ARHGAP26: variants seen among roughly 807,000 people sequenced by gnomAD.
ARHGAP26 encodes Rho GTPase activating protein 26, also known as rho GTPase-activating protein 26.
A neutral mutation model predicts 104.8 loss-of-function variants in ARHGAP26; 38 were observed. The ratio of observed to expected loss-of-function variants is 0.36; its 90% CI spans 0.28 to 0.48. The LOEUF (loss-of-function observed/expected upper bound fraction) is 0.48, where lower values mean the gene tolerates loss of function less well. Among genes scored for constraint, ARHGAP26 ranks in the 20% least tolerant of loss-of-function variants. ARHGAP26 has a pLI of 0.99. For synonymous variants in ARHGAP26, 341 were observed against 340.0 expected (o/e 1.00, Z -0.03); for missense variants, 704 against 947.9 (o/e 0.74, Z 3.38).
chr5:142,780,965 C>T (rs968932458), intron 1 of ARHGAP26, among the ~76,000 whole-genome samples: 56 of 152,234 alleles, frequency 3.7e-4, no homozygotes, highest in African/African-American at 1.3e-3. Flanking sequence ...GCCACATGTC[C>T]TCTGCCATCT....
At chr5:142,892,648 G>A (rs1758822253) in intron 5 of ARHGAP26, among the ~76,000 whole-genome samples, 1 of 149,574 alleles carries the variant, frequency 6.7e-6, no homozygotes, top group Admixed American at 6.6e-5. Flanking sequence ...ATACTATTTG[G>A]GCTAATATGA....
chr5:142,968,026 G>A (rs187318210), intron 11 of ARHGAP26, among the ~76,000 whole-genome samples: 41 of 152,110 alleles, frequency 2.7e-4, no homozygotes, highest in Non-Finnish European at 4.4e-4. Context: ...TTGCTCATAG[G>A]TAACAGATCC....
chr5:143,119,117 G>A (rs1795837427), intron 17 of ARHGAP26, among the ~76,000 whole-genome samples: 1 of 152,184 alleles, frequency 6.6e-6, no homozygotes, highest in South Asian at 2.1e-4. Flanking sequence ...ACTGCTGATA[G>A]CAGGGAGGAT....
At chr5:142,812,183 G>A (rs944707774) in intron 1 of ARHGAP26, among the ~76,000 whole-genome samples, 2 of 151,980 alleles carry the variant, frequency 1.3e-5, no homozygotes, top group African/African-American at 2.4e-5. Flanking sequence ...CCTTGCAGTT[G>A]CTGTAAGGAT....
rs563013494 is a variant in ARHGAP26, at chr5:143,010,131, A to G, written c.1108-3949A>G. Among the ~76,000 whole-genome samples the G allele has an allele frequency of 9.7e-4, 147 of 152,326 alleles. 1 individual carries two copies. Among genetic ancestry groups the G allele is most frequent in the Admixed American group, 3.5e-3 (54 of 15,308 alleles). ...AAGGATAGCCCAGAGCAGACTGACC[A>G]TTTCTAAAGGGTGAATTGCATGCTC... On this transcript the variant is annotated intron_variant, in intron 11 of 22. Coordinates refer to ENST00000645722, the MANE Select transcript of ARHGAP26 (RefSeq NM_001135608.3).
intron 11 of ARHGAP26, among the ~76,000 whole-genome samples, chr5:142,970,119 T>C (rs964328732): frequency 4.6e-5 from 7 of 152,250 alleles, no homozygotes; most frequent in Non-Finnish European, 8.8e-5. Flanking sequence ...AAAGTGTTTG[T>C]TGAACATGAG....
chr5:142,881,581 A>G (rs765179152), intron 4 of ARHGAP26, among the ~76,000 whole-genome samples: 27 of 152,226 alleles, frequency 1.8e-4, no homozygotes, highest in Non-Finnish European at 2.1e-4. Context: ...TCACTAAAGA[A>G]GAATTGTGAT....
chr5:143,002,686 A>G (rs1777368160), intron 11 of ARHGAP26, among the ~76,000 whole-genome samples: 1 of 152,164 alleles, frequency 6.6e-6, no homozygotes, highest in African/African-American at 2.4e-5. Context: ...TGCTGCCTTT[A>G]AAAATTTCCT....
chr5:142,998,286 G>A (rs1457202276), intron 11 of ARHGAP26, among the ~76,000 whole-genome samples: 1 of 152,168 alleles, frequency 6.6e-6, no homozygotes, highest in African/African-American at 2.4e-5. Flanking sequence ...GTGGAGCAGG[G>A]CTGAGTAGTA....
intron 20 of ARHGAP26, among the ~76,000 whole-genome samples, chr5:143,195,309 C>T (rs899008574): frequency 1.1e-4 from 16 of 152,208 alleles, no homozygotes; most frequent in African/African-American, 3.9e-4. Flanking sequence ...AAGGAATCTC[C>T]TCTCCAGGGT....
intron 1 of ARHGAP26, among the ~76,000 whole-genome samples, chr5:142,858,741 A>G (rs1752820106): frequency 6.6e-6 from 1 of 152,170 alleles, no homozygotes; most frequent in African/African-American, 2.4e-5. Flanking sequence ...ACCACACTCA[A>G]AGAGATTACC....
intron 12 of ARHGAP26, among the ~76,000 whole-genome samples, chr5:143,019,999 C>T (rs1034249130): frequency 1.2e-4 from 18 of 152,356 alleles, no homozygotes; most frequent in African/African-American, 3.6e-4. Flanking sequence ...CAGGACCTGG[C>T]TTAACACTGG....
At chr5:143,002,025 C>T (rs1263630328) in intron 11 of ARHGAP26, among the ~76,000 whole-genome samples, 1 of 152,178 alleles carries the variant, frequency 6.6e-6, no homozygotes. Flanking sequence ...CATTCACCTT[C>T]TGCCTCTCCA....
At chr5:143,146,635 A>G (rs998192463) in intron 19 of ARHGAP26, among the ~76,000 whole-genome samples, 5 of 152,246 alleles carry the variant, frequency 3.3e-5, no homozygotes, top group South Asian at 4.1e-4. Context: ...CAAAGAATTC[A>G]CTTGAAGTCA....
At chr5:143,095,151 T>G (rs999276921) in intron 17 of ARHGAP26, among the ~76,000 whole-genome samples, 1 of 150,160 alleles carries the variant, frequency 6.7e-6, no homozygotes, top group African/African-American at 2.4e-5. Flanking sequence ...ATATTCATTA[T>G]ATATTACTAT....
At position 142,940,302 on chromosome 5, in the gene ARHGAP26, C is replaced by T. The variant is rs552229145; in HGVS notation, c.1107+8177C>T. On this transcript the variant is annotated intron_variant, in intron 11 of 22. Transcript: ENST00000645722. ...GATGCAGGCCTCAGTCCTTTCTGAG[C>T]TTTCTTTTTATTTATTTAATTTTTT... Among the ~76,000 whole-genome samples the T allele has an allele frequency of 3.3e-5, 5 of 152,154 alleles. No individual in the cohort carries two copies. In the South Asian group the frequency reaches 1.0e-3, roughly 32 times the overall value.
intron 1 of ARHGAP26, among the ~76,000 whole-genome samples, chr5:142,825,385 C>G (rs1290333345): frequency 6.6e-6 from 1 of 152,104 alleles, no homozygotes; most frequent in Non-Finnish European, 1.5e-5. Flanking sequence ...GTTGGAGGGG[C>G]TGGAGTTCTT....
intron 1 of ARHGAP26, among the ~76,000 whole-genome samples, chr5:142,773,227 A>T (rs145127944): frequency 9.8e-4 from 150 of 152,340 alleles, no homozygotes; most frequent in African/African-American, 3.5e-3. Context: ...TATATCTATA[A>T]ACAGAAGTGT....
intron 20 of ARHGAP26, among the ~76,000 whole-genome samples, chr5:143,167,560 T>C (rs553260336): frequency 1.0e-4 from 15 of 148,544 alleles, no homozygotes; most frequent in African/African-American, 3.5e-4. Flanking sequence ...GCTCAAATGA[T>C]TACATTTCAT....
Sources: allele counts gnomAD v4.1 joint callset (sites outside exome capture counted in the v4.1 genomes callset), GRCh38; gene constraint gnomAD v4.1.1; transcripts MANE v1.5; gene names NCBI Gene and HGNC (gene_info 2026-07-23, HGNC 2026-07-21).